The following SOX5 variants were observed in gnomAD, a reference collection of about 807,000 sequenced individuals.
SOX5 encodes the protein transcription factor SOX-5.
SOX5 carries 9 observed loss-of-function variants against 92.0 expected under a neutral mutation model. The observed-to-expected ratio is 0.10, with a 90% CI of 0.06 to 0.17. The LOEUF (loss-of-function observed/expected upper bound fraction) is 0.17. Among genes scored for constraint, SOX5 ranks in the 10% least tolerant of loss-of-function variants. SOX5 has a pLI of 1.00. For missense variants in SOX5, 642 were observed against 944.5 expected, an observed-to-expected ratio of 0.68 and a Z score of 4.20; for synonymous variants, 344 against 336.3, an observed-to-expected ratio of 1.02 and a Z score of -0.25.
chr12:24,285,525 C>T (rs981452723), intron 2 of SOX5, among the ~76,000 whole-genome samples: 3 of 152,062 alleles, frequency 2.0e-5, no homozygotes, highest in Admixed American at 1.3e-4. Context: ...AGAAGAGCAG[C>T]GCTATACTGG....
intron 1 of SOX5, among the ~76,000 whole-genome samples, chr12:24,503,445 G>C (rs771845338): frequency 1.4e-4 from 21 of 152,098 alleles, no homozygotes; most frequent in Non-Finnish European, 2.5e-4. Flanking sequence ...ATATAACGAG[G>C]CTGAAAAATC....
chr12:23,876,309 G>A (rs924568117), intron 2 of SOX5, among the ~76,000 whole-genome samples: 1 of 152,120 alleles, frequency 6.6e-6, no homozygotes, highest in African/African-American at 2.4e-5. Flanking sequence ...ATCAAAAAGT[G>A]GGTGAAGGAT....
intron 4 of SOX5, among the ~76,000 whole-genome samples, chr12:24,104,992 T>A (rs1417474268): frequency 6.6e-6 from 1 of 152,216 alleles, no homozygotes; most frequent in South Asian, 2.1e-4. Context: ...TCTAAGTCTC[T>A]ATATAAAAAG....
intron 4 of SOX5, among the ~76,000 whole-genome samples, chr12:23,988,340 C>T (rs1464729812): frequency 6.6e-6 from 1 of 152,062 alleles, no homozygotes; most frequent in Non-Finnish European, 1.5e-5. Context: ...CAAGGAGATC[C>T]CAACCTTTAG....
chr12:24,217,557 A>G (rs2955543), intron 3 of SOX5, among the ~76,000 whole-genome samples: 138,250 of 152,238 alleles, frequency 0.91, 63,236 homozygotes, highest in East Asian at 1. Context: ...AGAAAATGTA[A>G]ATATTCATGA....
At chr12:24,095,459 AT>A (rs1945290115) in intron 4 of SOX5, among the ~76,000 whole-genome samples, 1 of 145,774 alleles carries the variant, frequency 6.9e-6, no homozygotes, top group Non-Finnish European at 1.5e-5. Flanking sequence ...TTATTTATTT[AT>A]TTAATTTTAT....
At chr12:23,677,985 C>G (rs2139730347) in intron 6 of SOX5, among the ~76,000 whole-genome samples, 1 of 152,206 alleles carries the variant, frequency 6.6e-6, no homozygotes, top group East Asian at 1.9e-4. Flanking sequence ...CTCACAGTAT[C>G]TGATGGAACA....
chr12:23,582,627 C>T (rs1333939809), intron 9 of SOX5, among the ~76,000 whole-genome samples: 7 of 152,002 alleles, frequency 4.6e-5, no homozygotes, highest in Non-Finnish European at 1.0e-4. Flanking sequence ...GAAAGAGCTC[C>T]AGGAATTCTT....
chr12:24,351,025 T>A (rs182527090), intron 2 of SOX5, among the ~76,000 whole-genome samples: 3 of 152,164 alleles, frequency 2.0e-5, no homozygotes, highest in African/African-American at 7.2e-5. Flanking sequence ...ACCACTCCAT[T>A]CCAGCCTGGG....
chr12:24,465,325 C>T (rs985754498), intron 1 of SOX5, among the ~76,000 whole-genome samples: 2 of 152,200 alleles, frequency 1.3e-5, no homozygotes, highest in Non-Finnish European at 2.9e-5. Context: ...ATTTACTGAG[C>T]GTTTATTACA....
chr12:23,722,585 A>G (rs569779886), intron 6 of SOX5, among the ~76,000 whole-genome samples: 19 of 152,342 alleles, frequency 1.2e-4, no homozygotes, highest in African/African-American at 4.6e-4. Flanking sequence ...GACCTTAACA[A>G]CAATGCTCTT....
At chr12:24,263,527 C>CAAAAAAAAA (rs386375915) in intron 3 of SOX5, among the ~76,000 whole-genome samples, 73 of 63,128 alleles carry the variant, frequency 1.2e-3, no homozygotes, top group Non-Finnish European at 1.4e-3. Context: ...GACTCCGTCT[C>CAAAAAAAAA]AAAAAAAAAA....
chr12:24,161,749 T>G (rs1169329584), intron 4 of SOX5, among the ~76,000 whole-genome samples: 2 of 152,008 alleles, frequency 1.3e-5, no homozygotes, highest in African/African-American at 2.4e-5. Flanking sequence ...TTAACAAAGT[T>G]AATACACAGT....
intron 4 of SOX5, among the ~76,000 whole-genome samples, chr12:24,180,385 A>AAT (rs1164800103): frequency 3.3e-5 from 5 of 152,120 alleles, no homozygotes; most frequent in Non-Finnish European, 2.9e-5. Flanking sequence ...GTCTCAACTA[A>AAT]ATATATATAT....
intron 1 of SOX5, among the ~76,000 whole-genome samples, chr12:23,945,431 CCT>C (rs1168241727): frequency 2.0e-5 from 3 of 152,106 alleles, no homozygotes; most frequent in Admixed American, 1.3e-4. Flanking sequence ...CACAATGTCA[CCT>C]GACATTTAAC....
chr12:23,718,818 G>A (rs2092654343), intron 6 of SOX5, among the ~76,000 whole-genome samples: 1 of 152,210 alleles, frequency 6.6e-6, no homozygotes, highest in African/African-American at 2.4e-5. Context: ...GCAGCTACAT[G>A]GAGGAGACGG....
chr12:23,822,747 T>C (rs2096145216), intron 3 of SOX5, among the ~76,000 whole-genome samples: 1 of 152,146 alleles, frequency 6.6e-6, no homozygotes, highest in South Asian at 2.1e-4. Context: ...TGTACTATTA[T>C]CGTGTTGGAG....
chr12:24,437,372 A>G (rs1404202998), intron 1 of SOX5, among the ~76,000 whole-genome samples: 1 of 152,240 alleles, frequency 6.6e-6, no homozygotes, highest in East Asian at 1.9e-4. Flanking sequence ...AAAACCCTAG[A>G]AGAAAACCTA....
intron 4 of SOX5, among the ~76,000 whole-genome samples, chr12:24,181,115 G>C (rs1031766713): frequency 6.6e-6 from 1 of 152,174 alleles, no homozygotes; most frequent in African/African-American, 2.4e-5. Flanking sequence ...AAAACTAGCT[G>C]TATTGCATCT....
Sources: allele counts gnomAD v4.1 joint callset (sites outside exome capture counted in the v4.1 genomes callset), GRCh38; gene constraint gnomAD v4.1.1; transcripts MANE v1.5; gene names NCBI Gene and HGNC (gene_info 2026-07-23, HGNC 2026-07-21).